The following SPAG16 variants were observed in gnomAD, a reference collection of about 807,000 sequenced individuals.
SPAG16 encodes sperm-associated antigen 16 protein.
SPAG16 carries 86 observed loss-of-function variants against 80.4 expected under a neutral mutation model. The ratio of observed to expected loss-of-function variants is 1.07; its 90% CI spans 0.90 to 1.28. SPAG16 has a LOEUF of 1.28. Among genes scored for constraint, SPAG16 ranks in the 50% most tolerant of loss-of-function variants. The probability of loss-of-function intolerance (pLI) is 0.00; values close to 1 mark genes in which losing one functional copy is unlikely to be tolerated. For missense variants in SPAG16, 870 were observed against 765.3 expected, an observed-to-expected ratio of 1.14 and a Z score of -1.61; for synonymous variants, 294 against 265.9, an observed-to-expected ratio of 1.11 and a Z score of -1.03.
intron 10 of SPAG16, among the ~76,000 whole-genome samples, chr2:213,577,983 A>G (rs2124829254): frequency 6.6e-6 from 1 of 152,176 alleles, no homozygotes; most frequent in African/African-American, 2.4e-5. Flanking sequence ...TTGCTCTGCA[A>G]TAACTAAAAC....
At chr2:213,415,160 G>A (rs1015779296) in intron 9 of SPAG16, among the ~76,000 whole-genome samples, 1 of 152,202 alleles carries the variant, frequency 6.6e-6, no homozygotes, top group Non-Finnish European at 1.5e-5. Context: ...AAGCTTGATG[G>A]GTAGGCAGGA....
intron 10 of SPAG16, among the ~76,000 whole-genome samples, chr2:213,500,238 G>T (rs1002693117): frequency 2.0e-5 from 3 of 152,096 alleles, no homozygotes; most frequent in Admixed American, 2.0e-4. Context: ...GAATCCATGG[G>T]CTTAGGACTT....
chr2:213,921,980 G>A (rs1267126449), intron 11 of SPAG16, among the ~76,000 whole-genome samples: 1 of 152,162 alleles, frequency 6.6e-6, no homozygotes, highest in Non-Finnish European at 1.5e-5. Flanking sequence ...GGACCTTGGA[G>A]AATCTGATGA....
rs2075518504 is a variant in SPAG16 at position 213,862,585 on chromosome 2, T to G, written c.1171T>G (p.Phe391Val). ...AAAATGCAATGTGCTTCTCACGGGA[T>G]TTGGCCACACTGACTGGCTTTCAGA... ...LPKCNVLLTG[F>V]GHTDWLSDCC... Residue 391 changes from phenylalanine (F) to valine (V), a missense_variant, in exon 11 of 16, where the codon TTT (phenylalanine) becomes GTT (valine). By Grantham distance (50) the Phe-to-Val change is conservative (BLOSUM62 -1). Transcript: ENST00000331683. 1 of 1,613,990 alleles carries G rather than the reference T, an allele frequency of 6.2e-7. No individual in the cohort carries two copies. Among genetic ancestry groups the G allele is most frequent in the Non-Finnish European group, 8.5e-7 (1 of 1,180,004 alleles).
In SPAG16 at chr2:214,372,832, C is replaced by A. The variant is rs61276205; in HGVS notation, c.1721-37308C>A. 1.4e-3 allele frequency among the ~76,000 whole-genome samples: 217 copies of A among 152,266 alleles called. 1 individual carries two copies. The highest frequency in any genetic ancestry group is 4.9e-3 in the African/African-American group (204 of 41,548). On this transcript the variant is annotated intron_variant, in intron 15 of 15. Coordinates refer to ENST00000331683, the MANE Select transcript of SPAG16 (RefSeq NM_024532.5). The stretch of plus-strand genomic sequence containing the variant: ...TCTGCTATCACTGTTCACTTCCCCC[C>A]ACCCCAAATAAATGCCATGACATTC...
At chr2:214,212,881 T>C (rs2125753333) in intron 15 of SPAG16, among the ~76,000 whole-genome samples, 1 of 152,352 alleles carries the variant, frequency 6.6e-6, no homozygotes, top group African/African-American at 2.4e-5. Context: ...ATGCCACATC[T>C]CTGTGCACAG....
Position 214,281,432 on chromosome 2 carries a change from A to G in SPAG16, c.1721-128708A>G, listed in dbSNP as rs150052477. ...GTCTCTTAAAGTAGGCCTTAGTCTTAACAACTTTAATGAACCACATCCTGC... is the reference window on the plus strand; with the variant it reads ...GTCTCTTAAAGTAGGCCTTAGTCTTGACAACTTTAATGAACCACATCCTGC... On this transcript the variant is annotated intron_variant, in intron 15 of 15. Transcript: ENST00000331683. The G allele has an allele frequency of 1.0e-3, 194 of 187,984 alleles. 3 individuals are homozygous for G. In the East Asian group the frequency reaches 0.021, roughly 21 times the overall value. The allele number at this position is 187,984 out of a possible 1,614,324, so 11.6% of individuals were successfully genotyped here.
intron 12 of SPAG16, among the ~76,000 whole-genome samples, chr2:213,979,805 C>T (rs181393337): frequency 6.6e-6 from 1 of 152,000 alleles, no homozygotes; most frequent in East Asian, 1.9e-4. Flanking sequence ...AAATAGGATA[C>T]CCTGGAGATC....
chr2:213,576,693 G>A (rs1401354476), intron 10 of SPAG16, among the ~76,000 whole-genome samples: 2 of 152,062 alleles, frequency 1.3e-5, no homozygotes, highest in East Asian at 1.9e-4. Flanking sequence ...TGGAGCTGGA[G>A]GCCATTATCC....
intron 10 of SPAG16, among the ~76,000 whole-genome samples, chr2:213,833,465 T>TTA (rs202169618): frequency 0.13 from 1,294 of 9,688 alleles, 381 homozygotes; most frequent in African/African-American, 0.4. Context: ...TATATATATA[T>TTA]TATATATAAT....
chr2:213,927,574 A>G (rs1351317866), intron 11 of SPAG16, among the ~76,000 whole-genome samples: 1 of 152,208 alleles, frequency 6.6e-6, no homozygotes, highest in African/African-American at 2.4e-5. Context: ...TGGATTTAGT[A>G]TATGAGCTCT....
intron 10 of SPAG16, among the ~76,000 whole-genome samples, chr2:213,623,238 C>G (rs2061847230): frequency 6.6e-6 from 1 of 151,992 alleles, no homozygotes; most frequent in Non-Finnish European, 1.5e-5. Context: ...ATAAATCTAT[C>G]ATTTACTTTT....
chr2:213,574,574 A>G (rs1002276110), intron 10 of SPAG16, among the ~76,000 whole-genome samples: 19 of 151,548 alleles, frequency 1.3e-4, no homozygotes, highest in Admixed American at 3.3e-4. Flanking sequence ...ATGTTAAACC[A>G]TACTAATTGA....
intron 13 of SPAG16, among the ~76,000 whole-genome samples, chr2:214,020,256 G>T (rs994609971): frequency 2.0e-5 from 3 of 152,004 alleles, no homozygotes; most frequent in Admixed American, 6.6e-5. Context: ...AATCTACTTA[G>T]TCCCTTCGAG....
intron 15 of SPAG16, among the ~76,000 whole-genome samples, chr2:214,271,368 T>G (rs953892872): frequency 9.9e-5 from 15 of 152,214 alleles, no homozygotes; most frequent in African/African-American, 3.4e-4. Flanking sequence ...TACCAAGTAT[T>G]TTTTCATATC....
intron 15 of SPAG16, among the ~76,000 whole-genome samples, chr2:214,173,191 G>A (rs1327990588): frequency 1.3e-5 from 2 of 152,052 alleles, no homozygotes; most frequent in East Asian, 3.9e-4. Context: ...GTCCTGAATG[G>A]TAATGCGTAG....
intron 10 of SPAG16, among the ~76,000 whole-genome samples, chr2:213,517,553 C>A (rs2125835372): frequency 6.6e-6 from 1 of 152,298 alleles, no homozygotes; most frequent in East Asian, 1.9e-4. Flanking sequence ...TACCCAATTT[C>A]AAACTATATT....
intron 11 of SPAG16, among the ~76,000 whole-genome samples, chr2:213,869,441 T>G (rs1001465413): frequency 1.3e-5 from 2 of 151,364 alleles, no homozygotes; most frequent in Non-Finnish European, 2.9e-5. Flanking sequence ...TCCTCTTTCT[T>G]CCTGAGCTGC....
chr2:213,496,154 A>C (rs900644227), intron 10 of SPAG16, among the ~76,000 whole-genome samples: 3 of 152,202 alleles, frequency 2.0e-5, no homozygotes, highest in Non-Finnish European at 4.4e-5. Flanking sequence ...TATTTCAGTA[A>C]TCCAAGAAAA....
Sources: gnomAD v4.1 joint callset for allele counts (sites outside exome capture counted in the v4.1 genomes callset) on GRCh38, gnomAD v4.1.1 for gene constraint, MANE v1.5 for transcripts, NCBI Gene and HGNC (gene_info 2026-07-23, HGNC 2026-07-21) for gene names.